ABHD2: variants seen among roughly 807,000 people sequenced by gnomAD.
ABHD2 encodes abhydrolase domain containing 2, acylglycerol lipase, also known as monoacylglycerol lipase ABHD2.
In ABHD2, 20 loss-of-function variants were observed where a neutral mutation model predicts 48.1. The ratio of observed to expected loss-of-function variants is 0.42; its 90% CI spans 0.29 to 0.60. The LOEUF (loss-of-function observed/expected upper bound fraction) is 0.60. Among genes scored for constraint, ABHD2 ranks in the 20% least tolerant of loss-of-function variants. The pLI is 0.24. For missense variants in ABHD2, 405 were observed against 550.9 expected, an observed-to-expected ratio of 0.74 and a Z score of 2.65; for synonymous variants, 209 against 214.2, an observed-to-expected ratio of 0.98 and a Z score of 0.21.
At chr15:89,118,549 T>G (rs2049998269) in intron 3 of ABHD2, among the ~76,000 whole-genome samples, 1 of 152,182 alleles carries the variant, frequency 6.6e-6, no homozygotes, top group Admixed American at 6.5e-5. Context: ...AGCTTACAGT[T>G]TGGGTAGGAC....
chr15:89,183,381 AAAAATATATATATAT>A (rs1306575661), intron 6 of ABHD2: 1,592 of 72,730 alleles, frequency 0.022, 62 homozygotes, highest in African/African-American at 0.11. Flanking sequence ...AAAAAAAAAA[AAAAATATATATATAT>A]ATATATATAT....
At chr15:89,069,674 C>CGTTTTTTTTT in the ABHD2 span, among the ~76,000 whole-genome samples, 1 of 52,898 alleles carries the variant, frequency 1.9e-5, no homozygotes, top group African/African-American at 7.4e-5. Flanking sequence ...TTCATTTACT[C>CGTTTTTTTTT]TTTTTTTTTT....
intron 1 of ABHD2, among the ~76,000 whole-genome samples, chr15:89,096,514 C>T (rs1164950627): frequency 6.6e-6 from 1 of 152,146 alleles, no homozygotes; most frequent in Non-Finnish European, 1.5e-5. Flanking sequence ...TTTGAAAGAC[C>T]CCAGTGCAGG....
chr15:89,086,737 C>T (rs78620680), upstream of ABHD2, among the ~76,000 whole-genome samples: 1,015 of 152,314 alleles, frequency 6.7e-3, 8 homozygotes, highest in East Asian at 0.048. Context: ...GGGATAGCTA[C>T]ACCAAGCTAG....
rs1477353277 is a variant in ABHD2 at position 89,176,774 on chromosome 15, G to T, written c.722+779G>T. On this transcript the variant is annotated intron_variant, in intron 6 of 10. Coordinates refer to ENST00000352732, the MANE Select transcript of ABHD2 (RefSeq NM_152924.5). The surrounding 1 kb of genome is among the most constrained non-coding windows in gnomAD (Gnocchi z 4.5). ...TCATGGTGTCTTTCGTTTTACCAAT[G>T]AGTATAACCAGTTATTAAAAATCTG... Among the ~76,000 whole-genome samples the T allele has an allele frequency of 6.6e-6, 1 of 152,118 alleles. No homozygotes were observed. The highest frequency in any genetic ancestry group is 2.4e-5 in the African/African-American group (1 of 41,408).
chr15:89,186,677 A>T lies in ABHD2; in HGVS notation c.815+1161A>T, dbSNP rs1284152548. Among the ~76,000 whole-genome samples the T allele has an allele frequency of 6.6e-6, 1 of 152,172 alleles. No individual in the cohort carries two copies. Among genetic ancestry groups the T allele is most frequent in the Non-Finnish European group, 1.5e-5 (1 of 68,042 alleles). On this transcript the variant is annotated intron_variant, in intron 7 of 10. Coordinates refer to ENST00000352732, the MANE Select transcript of ABHD2 (RefSeq NM_152924.5). The surrounding 1 kb of genome is among the most constrained non-coding windows in gnomAD (Gnocchi z 4.3). ...CAAACTGGAGAGCGTTGGAGGGCTTAGGCATGTGTTGATTGCTCCCAGCAC... is the reference window on the plus strand; with the variant it reads ...CAAACTGGAGAGCGTTGGAGGGCTTTGGCATGTGTTGATTGCTCCCAGCAC...
intron 8 of ABHD2, among the ~76,000 whole-genome samples, chr15:89,190,066 A>T (rs2051278446): frequency 6.6e-6 from 1 of 152,164 alleles, no homozygotes; most frequent in South Asian, 2.1e-4. Context: ...CCCTGTCAAG[A>T]GGGCCCTACT....
rs1395032025 is a variant in ABHD2, at chr15:89,137,841, A to G, written c.195-13836A>G. ...GCCCAAGGTGTTTGTTCCTGAAGCT[A>G]ATGAGGAAGCCCTTTCCCAGCCTCA... On this transcript the variant is annotated intron_variant, in intron 3 of 10. Transcript: ENST00000352732. This position sits in a 1 kb window ranked among gnomAD's most constrained non-coding sequence, Gnocchi z 4.8. Among the ~76,000 whole-genome samples the G allele has an allele frequency of 1.3e-5, 2 of 152,200 alleles. No homozygotes were observed. Among genetic ancestry groups the G allele is most frequent in the African/African-American group, 2.4e-5 (1 of 41,452 alleles).
chr15:89,115,367 GGTATGTGTGTGT>G lies in ABHD2; in HGVS notation c.-6-952_-6-941del, dbSNP rs1446709571. On this transcript the variant is annotated intron_variant, in intron 2 of 10. Transcript: ENST00000352732. ...TTATGTTTGGTTTTATATGTTTGGA[GGTATGTGTGTGT>G]GTGTGTGTGTGTGTGTGTGTGTGTG... 1.8e-3 allele frequency among the ~76,000 whole-genome samples: 213 copies of G among 117,584 alleles called. 2 individuals are homozygous for G. Among genetic ancestry groups the G allele is most frequent in the African/African-American group, 5.7e-3 (173 of 30,268 alleles). The allele number at this position is 117,584 out of a possible 152,430, so 77.1% of individuals were successfully genotyped here.
chr15:89,045,602 A>C, the ABHD2 span, among the ~76,000 whole-genome samples: 1 of 152,112 alleles, frequency 6.6e-6, no homozygotes, highest in Admixed American at 6.6e-5. Flanking sequence ...GTTCTCCTTG[A>C]AGAGGTCCTT....
rs528631828 is a variant in ABHD2, at chr15:89,188,294, A to G, written c.917A>G (p.Asn306Ser). The change falls in exon 8 of 11, where the codon AAT becomes AGT. Residue 306 changes from asparagine (N) to serine (S), a missense_variant. By Grantham distance (46) the Asn-to-Ser change is conservative (BLOSUM62 1). Coordinates refer to ENST00000352732, the MANE Select transcript of ABHD2 (RefSeq NM_152924.5). This position sits in a 1 kb window ranked among gnomAD's most constrained non-coding sequence, Gnocchi z 4.1. ...TATSLMQIDD[N>S]VMRKFHGYNS... ...ACATCCCTGATGCAGATTGATGACA[A>G]TGTGATGAGGTGTGTCCGCGCAGGC... The G allele has an allele frequency of 3.7e-6, 6 of 1,614,028 alleles. No individual in the cohort carries two copies. The South Asian group carries it at 4.4e-5, about 12-fold the overall frequency.
At chr15:89,123,564 C>CG (rs2050084250) in intron 3 of ABHD2, among the ~76,000 whole-genome samples, 1 of 129,928 alleles carries the variant, frequency 7.7e-6, no homozygotes, top group South Asian at 2.7e-4. Context: ...AGTTATTTCT[C>CG]TTTTTTTTTC....
At chr15:89,153,527 A>G (rs1011104206) in intron 4 of ABHD2, among the ~76,000 whole-genome samples, 3 of 152,208 alleles carry the variant, frequency 2.0e-5, no homozygotes, top group East Asian at 3.9e-4. Context: ...ACCAACATGG[A>G]AAGTTGAAAA....
chr15:89,062,744 A>T, the ABHD2 span, among the ~76,000 whole-genome samples: 1 of 152,092 alleles, frequency 6.6e-6, no homozygotes, highest in Non-Finnish European at 1.5e-5. Context: ...AGTGGTTCTA[A>T]GACTAGCAAT....
Position 89,168,210 on chromosome 15 carries a change from T to C in ABHD2, c.539-7602T>C, listed in dbSNP as rs1020319763. Among the ~76,000 whole-genome samples the C allele has an allele frequency of 6.6e-6, 1 of 152,184 alleles. No individual in the cohort carries two copies. The highest frequency in any genetic ancestry group is 2.4e-5 in the African/African-American group (1 of 41,434). On this transcript the variant is annotated intron_variant, in intron 5 of 10. Transcript: ENST00000352732. The surrounding 1 kb of genome is among the most constrained non-coding windows in gnomAD (Gnocchi z 4.8). ...GGGCTTGAGAAAAAGGTGAGGGGTC[T>C]TTTCTGTTCCCAGCAAGTTGCCTTT...
rs1186834833 is a variant in ABHD2 at position 89,198,983 on chromosome 15, A to C, written c.*3560A>C. ...ACTGTGGCAGCTGCTGGCCGCTGGA[A>C]TGAGGAGCCTATCTCCATCCTCCAG... On this transcript the variant is annotated 3_prime_UTR_variant, in exon 11 of 11. Transcript: ENST00000352732. This position sits in a 1 kb window ranked among gnomAD's most constrained non-coding sequence, Gnocchi z 5.1. 6.6e-6 allele frequency: 1 copy of C among 152,234 alleles called. No individual in the cohort carries two copies. The highest frequency in any genetic ancestry group is 2.4e-5 in the African/African-American group (1 of 41,430). The allele number at this position is 152,234 out of a possible 1,614,324, so 9.4% of individuals were successfully genotyped here. A position where few individuals can be genotyped will look rare whatever the true frequency, so the allele number is the denominator to read the frequency against.
intron 3 of ABHD2, among the ~76,000 whole-genome samples, chr15:89,142,688 C>G (rs959007611): frequency 6.6e-6 from 1 of 152,158 alleles, no homozygotes; most frequent in African/African-American, 2.4e-5. Flanking sequence ...CCCAGCCTTC[C>G]CCTCCACAGC....
intron 3 of ABHD2, among the ~76,000 whole-genome samples, chr15:89,129,952 A>G (rs531450542): frequency 6.6e-6 from 1 of 152,236 alleles, no homozygotes; most frequent in African/African-American, 2.4e-5. Context: ...CACGAAGGTC[A>G]CACAAGCACA....
rs922116464 is a variant in ABHD2 at position 89,100,910 on chromosome 15, A to G, written c.-107+12347A>G. On this transcript the variant is annotated intron_variant, in intron 1 of 10. Transcript: ENST00000352732. This position sits in a 1 kb window ranked among gnomAD's most constrained non-coding sequence, Gnocchi z 4.4. ...ATTTTATAATTTCACCAGCCTTTTA[A>G]TCTAGGTTAAACTACAGTTAATGGT... Among the ~76,000 whole-genome samples, 1 of 152,214 alleles carries G rather than the reference A, an allele frequency of 6.6e-6. No individual in the cohort carries two copies. The highest frequency in any genetic ancestry group is 2.4e-5 in the African/African-American group (1 of 41,458).
Sources: gnomAD v4.1 joint callset for allele counts (sites outside exome capture counted in the v4.1 genomes callset) on GRCh38, gnomAD v4.1.1 for gene constraint, Gnocchi (gnomAD v3.1) non-coding constraint, MANE v1.5 for transcripts, NCBI Gene and HGNC (gene_info 2026-07-23, HGNC 2026-07-21) for gene names.